The following NRP1 variants were observed in gnomAD, a reference collection of about 807,000 sequenced individuals.
NRP1 encodes the protein neuropilin 1, also known as neuropilin-1.
Under a neutral mutation model 106.7 loss-of-function variants are expected in NRP1, and 35 were observed. The observed-to-expected ratio is 0.33, with a 90% CI of 0.25 to 0.43. The LOEUF is 0.43. NRP1 is among the 20% of genes least tolerant of loss of function. The pLI is 1.00. For missense variants in NRP1, 1,024 were observed against 1,170.4 expected, an observed-to-expected ratio of 0.87 and a Z score of 1.83; for synonymous variants, 437 against 417.9, an observed-to-expected ratio of 1.05 and a Z score of -0.56.
In NRP1 at chr10:33,185,786, A is replaced by G. The variant is rs1382351207; in HGVS notation, c.2335-62T>C. 38 of 1,398,866 alleles carry G rather than the reference A, an allele frequency of 2.7e-5. No individual in the cohort carries two copies. The Admixed American group carries it at 6.4e-4, about 24-fold the overall frequency. 86.7% of individuals were successfully genotyped at this position (1,398,866 alleles called of 1,614,324 possible). ...CTCATCTCACATGGCAGTGTTTACA[A>G]ATGCTTGTTCAGCTCCAGCTACGGC... On this transcript the variant is annotated intron_variant, in intron 14 of 16. Coordinates refer to ENST00000374867, the MANE Select transcript of NRP1 (RefSeq NM_003873.7).
intron 2 of NRP1, among the ~76,000 whole-genome samples, chr10:33,298,739 T>C (rs1845591978): frequency 6.6e-6 from 1 of 152,154 alleles, no homozygotes; most frequent in South Asian, 2.1e-4. Flanking sequence ...TCCTCCTTTG[T>C]AAGATGAGAA....
intron 6 of NRP1, among the ~76,000 whole-genome samples, chr10:33,229,796 A>G (rs1839961308): frequency 6.6e-6 from 1 of 152,170 alleles, no homozygotes; most frequent in Non-Finnish European, 1.5e-5. Context: ...AAGCATATGC[A>G]TGAATCACTC....
In NRP1 at chr10:33,256,088, A is replaced by G. The variant is rs1353656870; in HGVS notation, c.814+228T>C. 3.3e-5 allele frequency among the ~76,000 whole-genome samples: 5 copies of G among 152,094 alleles called. No homozygotes were observed. The East Asian group carries it at 5.8e-4, about 18-fold the overall frequency. On this transcript the variant is annotated intron_variant, in intron 5 of 16. Transcript: ENST00000374867. ...TTTGCCATTTCCTACTTTCTCCCATAATTTCAGAGGCTCCCAAGCAGGCTT... is the reference window on the plus strand; with the variant it reads ...TTTGCCATTTCCTACTTTCTCCCATGATTTCAGAGGCTCCCAAGCAGGCTT...
At chr10:33,318,423 G>A (rs759922882) in intron 2 of NRP1, among the ~76,000 whole-genome samples, 1 of 152,094 alleles carries the variant, frequency 6.6e-6, no homozygotes, top group Non-Finnish European at 1.5e-5. Flanking sequence ...AGGATCCCCT[G>A]ACAATCCAAA....
At chr10:33,334,246 G>A in intron 1 of NRP1, 64 bp downstream of exon 1, 3 of 1,461,458 alleles carry the variant, frequency 2.1e-6, no homozygotes, top group East Asian at 2.5e-5. Context: ...CCTGAGCCCC[G>A]GTCCGGGGCG....
At chr10:33,266,714 G>A (rs1200549577) in intron 3 of NRP1, among the ~76,000 whole-genome samples, 1 of 152,118 alleles carries the variant, frequency 6.6e-6, no homozygotes, top group Non-Finnish European at 1.5e-5. Context: ...GGGTCTGGTG[G>A]GAGGTGATTG....
At chr10:33,213,153 A>G (rs1838447319) in intron 9 of NRP1, 7 of 1,185,142 alleles carry the variant, frequency 5.9e-6, no homozygotes, top group Non-Finnish European at 4.7e-6. Flanking sequence ...GTCCATCCCT[A>G]CAGCCAGGGA....
chr10:33,183,976 A>G (rs1031027024), intron 15 of NRP1, among the ~76,000 whole-genome samples: 2 of 152,038 alleles, frequency 1.3e-5, no homozygotes, highest in African/African-American at 2.4e-5. Flanking sequence ...TGTCTCAACT[A>G]TGTGCTTTCT....
chr10:33,322,504 C>T (rs930047234), intron 2 of NRP1, among the ~76,000 whole-genome samples: 3 of 152,042 alleles, frequency 2.0e-5, no homozygotes, highest in Admixed American at 1.3e-4. Context: ...CTGCCTTGGC[C>T]CCCAAAAGCA....
At chr10:33,237,485 G>A (rs539564673) in intron 6 of NRP1, among the ~76,000 whole-genome samples, 21 of 130,092 alleles carry the variant, frequency 1.6e-4, no homozygotes, top group African/African-American at 6.9e-4. Flanking sequence ...ACACATGCGC[G>A]CGCACACACA....
chr10:33,277,608 G>A (rs1410772894), intron 2 of NRP1, among the ~76,000 whole-genome samples: 1 of 152,196 alleles, frequency 6.6e-6, no homozygotes, highest in East Asian at 1.9e-4. Context: ...AAATAGAGAG[G>A]CTGGGCCACA....
intron 8 of NRP1, among the ~76,000 whole-genome samples, chr10:33,216,361 CT>C (rs908393195): frequency 1.9e-4 from 29 of 152,210 alleles, no homozygotes; most frequent in African/African-American, 6.7e-4. Context: ...TGGTCTCGAT[CT>C]CCTGACCTCG....
intron 11 of NRP1, 26 bp from the exon 12 acceptor site, chr10:33,197,735 A>C: frequency 6.9e-7 from 1 of 1,452,226 alleles, no homozygotes; most frequent in Non-Finnish European, 9.6e-7. Context: ...AGGAACATGC[A>C]AAAATAAGAA....
At chr10:33,254,285 T>C (rs1842057845) in intron 5 of NRP1, 91 bp from the exon 6 acceptor site, 1 of 1,160,866 alleles carries the variant, frequency 8.6e-7, no homozygotes, top group African/African-American at 1.5e-5. Flanking sequence ...AAGAGTTCTT[T>C]CATTCAAAAT....
chr10:33,263,510 TAG>T (rs1389013531), intron 4 of NRP1, 134 bp downstream of exon 4: 65 of 623,198 alleles, frequency 1.0e-4, no homozygotes, highest in South Asian at 9.0e-4. Flanking sequence ...GCTCTGAATA[TAG>T]AGAGTTTTGC....
chr10:33,328,449 AG>A (rs1734133356), intron 2 of NRP1, among the ~76,000 whole-genome samples: 1 of 152,180 alleles, frequency 6.6e-6, no homozygotes, highest in African/African-American at 2.4e-5. Context: ...GACCATGAAA[AG>A]CTAGTTTACT....
intron 2 of NRP1, among the ~76,000 whole-genome samples, chr10:33,276,217 T>A (rs553977667): frequency 1.3e-5 from 2 of 152,318 alleles, no homozygotes; most frequent in East Asian, 3.9e-4. Context: ...TACCTATATA[T>A]AAATAAACAA....
rs1589018152 is a variant in NRP1, at chr10:33,334,447, G to A, written c.-65C>T. The stretch of plus-strand genomic sequence containing the variant: ...AGGACGTGGGGGGAAATGCAGCAAA[G>A]AGGAGAATCTAAGCGATCCGAAGAG... On this transcript the variant is annotated 5_prime_UTR_variant, in exon 1 of 17. Transcript: ENST00000374867. 1.4e-6 allele frequency: 2 copies of A among 1,412,484 alleles called. No individual in the cohort carries two copies. The highest frequency in any genetic ancestry group is 5.0e-5 in the East Asian group (2 of 40,188). 87.5% of individuals were successfully genotyped at this position (1,412,484 alleles called of 1,614,324 possible). A position where few individuals can be genotyped will look rare whatever the true frequency, so the allele number is the denominator to read the frequency against.
intron 2 of NRP1, among the ~76,000 whole-genome samples, chr10:33,299,798 A>G (rs1240570480): frequency 6.6e-6 from 1 of 152,124 alleles, no homozygotes; most frequent in Non-Finnish European, 1.5e-5. Flanking sequence ...AAAAAAATAA[A>G]CCAATTGCTA....
Sources: allele counts gnomAD v4.1 joint callset (sites outside exome capture counted in the v4.1 genomes callset), GRCh38; gene constraint gnomAD v4.1.1; transcripts MANE v1.5; gene names NCBI Gene and HGNC (gene_info 2026-07-23, HGNC 2026-07-21).